Variants in DLGAP2 observed in about 807,000 individuals in gnomAD.
DLGAP2 encodes DLG associated protein 2, also known as disks large-associated protein 2.
DLGAP2 carries 26 observed loss-of-function variants against 100.3 expected under a neutral mutation model. That is an observed-to-expected ratio of 0.26 (90% CI 0.19 to 0.36). The LOEUF is 0.36. Among genes scored for constraint, DLGAP2 ranks in the 10% least tolerant of loss-of-function variants. DLGAP2 has a pLI of 1.00. For synonymous variants in DLGAP2, 886 were observed against 630.1 expected, an observed-to-expected ratio of 1.41 and a Z score of -6.08; for missense variants, 1,858 against 1,453.2, an observed-to-expected ratio of 1.28 and a Z score of -4.53.
chr8:1,459,865 T>C (rs1488765850), intron 3 of DLGAP2, among the ~76,000 whole-genome samples: 1 of 152,092 alleles, frequency 6.6e-6, no homozygotes, highest in Non-Finnish European at 1.5e-5. Flanking sequence ...TTTGTGTTTT[T>C]AGTAGAGACA....
chr8:1,160,243 G>C (rs1190489339), intron 2 of DLGAP2, among the ~76,000 whole-genome samples: 3 of 152,138 alleles, frequency 2.0e-5, no homozygotes, highest in East Asian at 3.9e-4. Context: ...CAGCTGGGTG[G>C]GGACCTAGGC....
At chr8:1,276,197 C>G (rs1048825401) in intron 3 of DLGAP2, among the ~76,000 whole-genome samples, 1 of 150,184 alleles carries the variant, frequency 6.7e-6, no homozygotes, top group African/African-American at 2.5e-5. Flanking sequence ...TCTCTCTCAA[C>G]TCCAATCAAC....
intron 3 of DLGAP2, among the ~76,000 whole-genome samples, chr8:1,464,286 C>T (rs1798551320): frequency 9.7e-5 from 8 of 82,444 alleles, no homozygotes; most frequent in African/African-American, 1.9e-4. Context: ...TCCAGGACAA[C>T]GCCCTTCCAG....
chr8:1,528,466 T>G (rs1800870250), intron 4 of DLGAP2, among the ~76,000 whole-genome samples: 1 of 152,176 alleles, frequency 6.6e-6, no homozygotes, highest in African/African-American at 2.4e-5. Flanking sequence ...CTATGAAAAC[T>G]TCTCAAAGGG....
At chr8:1,369,921 G>A (rs1802197270) in intron 3 of DLGAP2, 1 of 152,398 alleles carries the variant, frequency 6.6e-6, no homozygotes. Context: ...GCTGCAGCCT[G>A]AGGAGGTGCC....
rs865916108 is a variant in DLGAP2, at chr8:1,641,985, C to T, written c.1810+8939C>T. On this transcript the variant is annotated intron_variant, in intron 8 of 14. Coordinates refer to ENST00000637795, the MANE Select transcript of DLGAP2 (RefSeq NM_001346810.2). ...CACCCTCGACCCCGCCGGTCCCCAC[C>T]TGTGTCACCCTCGACCCCGCTGGTC... is the stretch of plus-strand genomic sequence containing the variant. 3.6e-4 allele frequency among the ~76,000 whole-genome samples: 21 copies of T among 58,800 alleles called. No homozygotes were observed. In the South Asian group the frequency reaches 6.2e-3, roughly 17 times the overall value. The allele number at this position is 58,800 out of a possible 152,430, so 38.6% of individuals were successfully genotyped here.
intron 8 of DLGAP2, among the ~76,000 whole-genome samples, chr8:1,641,905 G>GCCAGCCCTC (rs1563275292): frequency 9.2e-6 from 1 of 108,932 alleles, no homozygotes; most frequent in African/African-American, 4.4e-5. Flanking sequence ...TGTCACCCTC[G>GCCAGCCCTC]ACCCCGCCGG....
At chr8:1,336,004 G>T (rs1005347775) in intron 3 of DLGAP2, among the ~76,000 whole-genome samples, 5 of 152,100 alleles carry the variant, frequency 3.3e-5, no homozygotes, top group African/African-American at 1.2e-4. Flanking sequence ...AGCTCCAGGG[G>T]GGAAAACATC....
At chr8:1,297,612 C>T (rs113195277) in intron 3 of DLGAP2, among the ~76,000 whole-genome samples, 1 of 94,440 alleles carries the variant, frequency 1.1e-5, no homozygotes, top group African/African-American at 4.5e-5. Flanking sequence ...ACAGACACCA[C>T]GTGAGACAGG....
chr8:1,194,320 C>T (rs543015559), intron 2 of DLGAP2, among the ~76,000 whole-genome samples: 14 of 152,220 alleles, frequency 9.2e-5, no homozygotes, highest in Non-Finnish European at 1.0e-4. Context: ...TGCCGCGTCC[C>T]GGCTGGTGGA....
At chr8:1,309,100 T>A (rs1800556010) in intron 3 of DLGAP2, among the ~76,000 whole-genome samples, 1 of 151,948 alleles carries the variant, frequency 6.6e-6, no homozygotes, top group South Asian at 2.1e-4. Flanking sequence ...AACTTGAGGG[T>A]CTGTGGAACA....
chr8:1,672,748 C>G (rs1563054811), intron 10 of DLGAP2, among the ~76,000 whole-genome samples: 1 of 152,354 alleles, frequency 6.6e-6, no homozygotes, highest in South Asian at 2.1e-4. Context: ...AGCTCAAAGC[C>G]TCACAGGCAG....
intron 3 of DLGAP2, among the ~76,000 whole-genome samples, chr8:1,451,885 C>G (rs886765521): frequency 2.0e-5 from 3 of 152,280 alleles, no homozygotes; most frequent in Admixed American, 2.0e-4. Flanking sequence ...TCCACCAGAG[C>G]TCACGGGCTC....
At position 1,378,193 on chromosome 8, in the gene DLGAP2, T is replaced by TGC. The variant is rs1327847755; in HGVS notation, c.106+119311_106+119312insCG. 18 of 174,946 alleles carry TGC rather than the reference T, an allele frequency of 1.0e-4. No individual in the cohort carries two copies. In the South Asian group the frequency reaches 1.3e-3, roughly 13 times the overall value. The allele number at this position is 174,946 out of a possible 1,614,324, so 10.8% of individuals were successfully genotyped here. ...CACACCTGACCTCACCTGTCCATCC[T>TGC]GTGCACACCTGACCTCACCTGTGTG... On this transcript the variant is annotated intron_variant, in intron 3 of 14. Transcript: ENST00000637795.
intron 2 of DLGAP2, among the ~76,000 whole-genome samples, chr8:1,122,406 G>A (rs1008731796): frequency 6.6e-6 from 1 of 152,190 alleles, no homozygotes; most frequent in Non-Finnish European, 1.5e-5. Flanking sequence ...CTGTTTAAAT[G>A]TGCAGCTGAG....
chr8:930,929 G>A (rs902264534), intron 2 of DLGAP2, among the ~76,000 whole-genome samples: 1 of 152,236 alleles, frequency 6.6e-6, no homozygotes, highest in Non-Finnish European at 1.5e-5. Flanking sequence ...TTCTGGAGAT[G>A]AGTGGGGAGG....
intron 3 of DLGAP2, among the ~76,000 whole-genome samples, chr8:1,283,421 T>C (rs1799861048): frequency 6.6e-6 from 1 of 152,232 alleles, no homozygotes; most frequent in African/African-American, 2.4e-5. Context: ...GGGTATCATA[T>C]GTTTGTTTTG....
chr8:1,342,941 T>A (rs951548863), intron 3 of DLGAP2, among the ~76,000 whole-genome samples: 6 of 149,748 alleles, frequency 4.0e-5, no homozygotes, highest in African/African-American at 1.3e-4. Context: ...TGTTTCTCTT[T>A]TTCCGTAATT....
chr8:1,422,682 G>A (rs1260534325), intron 3 of DLGAP2, among the ~76,000 whole-genome samples: 4 of 152,134 alleles, frequency 2.6e-5, no homozygotes, highest in African/African-American at 9.7e-5. Flanking sequence ...CCCACCAGGG[G>A]GTGGTACACA....
Sources: allele counts gnomAD v4.1 joint callset (sites outside exome capture counted in the v4.1 genomes callset), GRCh38; gene constraint gnomAD v4.1.1; transcripts MANE v1.5; gene names NCBI Gene and HGNC (gene_info 2026-07-23, HGNC 2026-07-21).